EPHA6: variants seen among roughly 807,000 people sequenced by gnomAD.
The protein encoded by EPHA6 is EPH receptor A6.
Under a neutral mutation model 112.0 loss-of-function variants are expected in EPHA6, and 50 were observed. The observed-to-expected ratio is 0.45, with a 90% CI of 0.36 to 0.56. The LOEUF (loss-of-function observed/expected upper bound fraction) is 0.56, where lower values mean the gene tolerates loss of function less well. Ranked by LOEUF, EPHA6 falls within the 20% of genes least tolerant of loss-of-function variation. The pLI, the probability that EPHA6 is intolerant of heterozygous loss-of-function variation, is 0.00. For missense variants in EPHA6, 1,280 were observed against 1,417.4 expected (o/e 0.90, Z 1.56); for synonymous variants, 529 against 490.7 (o/e 1.08, Z -1.03).
In EPHA6 at chr3:96,967,197, C is replaced by T. The variant is rs923863019; in HGVS notation, c.451-20133C>T. On this transcript the variant is annotated intron_variant, in intron 2 of 17. Coordinates refer to ENST00000389672, the MANE Select transcript of EPHA6 (RefSeq NM_001080448.3). ...TGCTATGAATACACACACACACACA[C>T]ACACACACACTTTATGTAACATAGG... 4.4e-4 allele frequency among the ~76,000 whole-genome samples: 67 copies of T among 150,950 alleles called. No individual in the cohort carries two copies. In the East Asian group the frequency reaches 4.8e-3, roughly 11 times the overall value.
At chr3:97,728,370 G>C (rs894692287) in intron 15 of EPHA6, among the ~76,000 whole-genome samples, 1 of 151,952 alleles carries the variant, frequency 6.6e-6, no homozygotes, top group Non-Finnish European at 1.5e-5. Flanking sequence ...ATGTGTCCTT[G>C]TATTTTCAAA....
At chr3:97,664,801 A>G (rs2094194352) in intron 14 of EPHA6, among the ~76,000 whole-genome samples, 1 of 152,320 alleles carries the variant, frequency 6.6e-6, no homozygotes, top group East Asian at 1.9e-4. Context: ...ACTACAAACC[A>G]CTGCTCAACG....
intron 2 of EPHA6, among the ~76,000 whole-genome samples, chr3:96,979,091 G>C (rs1300689684): frequency 6.6e-6 from 1 of 151,676 alleles, no homozygotes; most frequent in Non-Finnish European, 1.5e-5. Flanking sequence ...AAATTTCTAG[G>C]GTACATGTGC....
At chr3:97,241,254 A>G (rs1338268123) in intron 4 of EPHA6, among the ~76,000 whole-genome samples, 1 of 151,840 alleles carries the variant, frequency 6.6e-6, no homozygotes, top group Admixed American at 6.6e-5. Context: ...TAGGTAGTTT[A>G]TTATATGATG....
chr3:97,483,912 C>G lies in EPHA6; in HGVS notation c.2075-22C>G, dbSNP rs199793585. On this transcript the variant is annotated intron_variant, in intron 9 of 17. Coordinates refer to ENST00000389672, the MANE Select transcript of EPHA6 (RefSeq NM_001080448.3). ...ACTGAGATACTCAAACTAAATCAATCGTTTTGTTATTGTTGTTGCAGTGCG... is the reference window on the plus strand; with the variant it reads ...ACTGAGATACTCAAACTAAATCAATGGTTTTGTTATTGTTGTTGCAGTGCG... The G allele has an allele frequency of 3.2e-6, 5 of 1,580,232 alleles. No individual in the cohort carries two copies. The South Asian group carries it at 6.0e-5, about 19-fold the overall frequency.
chr3:97,290,537 CCCA>C (rs2080641360), intron 5 of EPHA6, among the ~76,000 whole-genome samples: 1 of 152,102 alleles, frequency 6.6e-6, no homozygotes, highest in African/African-American at 2.4e-5. Context: ...GGTATTGAAA[CCCA>C]TGTGGGGAGA....
intron 13 of EPHA6, among the ~76,000 whole-genome samples, chr3:97,628,231 A>G (rs571780823): frequency 2.0e-5 from 3 of 152,098 alleles, no homozygotes; most frequent in South Asian, 4.1e-4. Flanking sequence ...GTCAAAGTCT[A>G]TGATGTATGT....
intron 6 of EPHA6, among the ~76,000 whole-genome samples, chr3:97,420,921 A>G (rs567893866): frequency 1.8e-4 from 27 of 152,254 alleles, no homozygotes; most frequent in African/African-American, 4.8e-4. Flanking sequence ...TAATTTATCA[A>G]TGTAACTTAA....
intron 3 of EPHA6, among the ~76,000 whole-genome samples, chr3:97,141,454 C>CA (rs912947605): frequency 4.6e-5 from 7 of 151,680 alleles, no homozygotes; most frequent in South Asian, 4.2e-4. Flanking sequence ...TCAATAAAAT[C>CA]AAAAAAATAA....
intron 11 of EPHA6, among the ~76,000 whole-genome samples, chr3:97,549,767 T>A (rs1370534347): frequency 6.6e-6 from 1 of 152,022 alleles, no homozygotes; most frequent in African/African-American, 2.4e-5. Flanking sequence ...CCGAGCATCA[T>A]GCTACTGCAC....
intron 6 of EPHA6, among the ~76,000 whole-genome samples, chr3:97,425,696 G>C (rs927357719): frequency 1.3e-5 from 2 of 152,232 alleles, no homozygotes; most frequent in Non-Finnish European, 2.9e-5. Flanking sequence ...ATTTCTGCAG[G>C]AGGCTTGACT....
chr3:97,345,268 A>G (rs546513619), intron 5 of EPHA6, among the ~76,000 whole-genome samples: 1 of 152,190 alleles, frequency 6.6e-6, no homozygotes. Context: ...TTTGGAGGTC[A>G]AAACAAACTG....
intron 2 of EPHA6, among the ~76,000 whole-genome samples, chr3:96,977,313 A>G (rs61226496): frequency 0.023 from 3,549 of 152,268 alleles, 146 homozygotes; most frequent in African/African-American, 0.081. Flanking sequence ...GGAGCTAAAT[A>G]ATGTGCACAC....
intron 3 of EPHA6, among the ~76,000 whole-genome samples, chr3:97,028,208 A>G (rs978848252): frequency 6.6e-6 from 1 of 152,158 alleles, no homozygotes; most frequent in Non-Finnish European, 1.5e-5. Context: ...AACTAGCTAT[A>G]TAGAGGGCAG....
chr3:97,522,922 T>A (rs993820213), intron 10 of EPHA6, among the ~76,000 whole-genome samples: 1 of 152,130 alleles, frequency 6.6e-6, no homozygotes, highest in African/African-American at 2.4e-5. Flanking sequence ...TTATCTCTTT[T>A]TTTCTTAGTT....
chr3:97,673,193 T>A (rs1009118040), intron 14 of EPHA6, among the ~76,000 whole-genome samples: 8 of 152,212 alleles, frequency 5.3e-5, no homozygotes, highest in Non-Finnish European at 1.2e-4. Flanking sequence ...CAGAGTTGAA[T>A]GTATTTGGCT....
intron 3 of EPHA6, among the ~76,000 whole-genome samples, chr3:97,038,802 GA>G (rs113794657): frequency 0.025 from 3,739 of 152,052 alleles, 151 homozygotes; most frequent in African/African-American, 0.083. Flanking sequence ...GAGTCGGGGG[GA>G]AATGTTCCAC....
chr3:96,926,651 C>T (rs1324324207), intron 2 of EPHA6, among the ~76,000 whole-genome samples: 1 of 152,210 alleles, frequency 6.6e-6, no homozygotes, highest in African/African-American at 2.4e-5. Context: ...GGGCTACAGG[C>T]CCCATGCAAG....
intron 14 of EPHA6, among the ~76,000 whole-genome samples, chr3:97,662,036 T>C (rs2094173086): frequency 6.6e-6 from 1 of 152,186 alleles, no homozygotes; most frequent in Non-Finnish European, 1.5e-5. Context: ...GGCCACCAAC[T>C]ATCTGATAGG....
Sources: allele counts gnomAD v4.1 joint callset (sites outside exome capture counted in the v4.1 genomes callset), GRCh38; gene constraint gnomAD v4.1.1; transcripts MANE v1.5; gene names NCBI Gene and HGNC (gene_info 2026-07-23, HGNC 2026-07-21).